KDM4C: variants seen among roughly 807,000 people sequenced by gnomAD.
KDM4C encodes the protein lysine-specific demethylase 4C.
Under a neutral mutation model 129.3 loss-of-function variants are expected in KDM4C, and 81 were observed. The observed-to-expected ratio is 0.63, with a 90% CI of 0.52 to 0.75. The LOEUF is 0.75. KDM4C is among the 30% of genes least tolerant of loss of function. The pLI, the probability that KDM4C is intolerant of heterozygous loss-of-function variation, is 0.00. For missense variants in KDM4C, 1,457 were observed against 1,304.0 expected (o/e 1.12, Z -1.81); for synonymous variants, 573 against 456.1 (o/e 1.26, Z -3.26).
At chr9:6,780,185 C>G (rs774345999) in intron 1 of KDM4C, among the ~76,000 whole-genome samples, 2 of 152,020 alleles carry the variant, frequency 1.3e-5, no homozygotes, top group Non-Finnish European at 2.9e-5. Flanking sequence ...TATTTCCCAT[C>G]CAGTTTATGC....
At chr9:6,752,780 A>C (rs1818114768), upstream of KDM4C, among the ~76,000 whole-genome samples, 1 of 152,154 alleles carries the variant, frequency 6.6e-6, no homozygotes, top group African/African-American at 2.4e-5. Flanking sequence ...AATTTTATTT[A>C]TATATGCCAA....
At position 6,996,195 on chromosome 9, in the gene KDM4C, A is replaced by G. The variant is rs114574841; in HGVS notation, c.1786+5671A>G. ...TTCACACTCACAAATGTTTTAAGCC[A>G]TGGCAAGCTTCTTCTCACTAGCATT... On this transcript the variant is annotated intron_variant, in intron 12 of 21. Transcript: ENST00000381309. Among the ~76,000 whole-genome samples the G allele has an allele frequency of 7.0e-3, 1,067 of 152,312 alleles. 15 individuals are homozygous for G. Among genetic ancestry groups the G allele is most frequent in the African/African-American group, 0.024 (1,005 of 41,580 alleles).
chr9:7,094,967 C>G (rs920970411), intron 17 of KDM4C, among the ~76,000 whole-genome samples: 2 of 152,136 alleles, frequency 1.3e-5, no homozygotes, highest in Non-Finnish European at 2.9e-5. Flanking sequence ...GAAGACTACC[C>G]CAGCGTAGCA....
chr9:7,046,987 G>A, intron 16 of KDM4C, 70 bp downstream of exon 16: 1 of 1,121,142 alleles, frequency 8.9e-7, no homozygotes, highest in Non-Finnish European at 1.4e-6. Context: ...TTGGATGACA[G>A]TTCGCTTTAC....
At chr9:6,992,483 C>G (rs1818934387) in intron 12 of KDM4C, among the ~76,000 whole-genome samples, 1 of 152,058 alleles carries the variant, frequency 6.6e-6, no homozygotes, top group African/African-American at 2.4e-5. Flanking sequence ...GGGGATTTTT[C>G]AGAATTGATT....
intron 8 of KDM4C, among the ~76,000 whole-genome samples, chr9:6,979,865 G>A (rs1816460019): frequency 6.6e-6 from 1 of 152,172 alleles, no homozygotes; most frequent in South Asian, 2.1e-4. Flanking sequence ...ATGTATGTAG[G>A]AGAATAGAAG....
chr9:7,145,730 A>G (rs1225141302), intron 19 of KDM4C, among the ~76,000 whole-genome samples: 1 of 152,250 alleles, frequency 6.6e-6, no homozygotes, highest in African/African-American at 2.4e-5. Flanking sequence ...GCAAAACTGA[A>G]TAAACACACT....
chr9:7,029,962 C>T (rs545612647), intron 15 of KDM4C, among the ~76,000 whole-genome samples: 3 of 152,018 alleles, frequency 2.0e-5, no homozygotes, highest in African/African-American at 4.8e-5. Flanking sequence ...TTCTAGGGAG[C>T]TTTTTTGTTA....
At chr9:6,922,804 C>T (rs566337736) in intron 8 of KDM4C, among the ~76,000 whole-genome samples, 39 of 152,214 alleles carry the variant, frequency 2.6e-4, no homozygotes, top group African/African-American at 6.5e-4. Context: ...TGACAAATGT[C>T]ACTAAGTTTC....
intron 5 of KDM4C, among the ~76,000 whole-genome samples, chr9:6,876,886 A>G (rs1563743958): frequency 2.6e-5 from 4 of 152,212 alleles, no homozygotes; most frequent in Admixed American, 2.0e-4. Context: ...ATCTGAAGGA[A>G]AAACATAAAA....
rs1254658547 is a variant in KDM4C at position 6,924,988 on chromosome 9, G to GT, written c.921+31757dup. On this transcript the variant is annotated intron_variant, in intron 8 of 21. Transcript: ENST00000381309. Reference sequence around the variant, plus strand: ...GTTTTGGTAGAAGTGTTGATGTTTTGTATTAGTGAATCTTAGGCTTCCTAC... The same window carrying GT: ...GTTTTGGTAGAAGTGTTGATGTTTTGTTATTAGTGAATCTTAGGCTTCCTAC... 1.2e-5 allele frequency: 12 copies of GT among 985,290 alleles called. No homozygotes were observed. The African/African-American group carries it at 2.1e-4, about 17-fold the overall frequency. The allele number at this position is 985,290 out of a possible 1,614,324, so 61.0% of individuals were successfully genotyped here.
At chr9:6,780,022 C>G (rs1178087379) in intron 1 of KDM4C, among the ~76,000 whole-genome samples, 1 of 152,152 alleles carries the variant, frequency 6.6e-6, no homozygotes, top group African/African-American at 2.4e-5. Context: ...TACTGGCCTA[C>G]TATAGTAGCT....
intron 1 of KDM4C, among the ~76,000 whole-genome samples, chr9:6,775,766 C>T (rs1563977871): frequency 6.6e-6 from 1 of 152,144 alleles, no homozygotes; most frequent in Non-Finnish European, 1.5e-5. Flanking sequence ...AGGTGATCCG[C>T]CTGCCTCGGC....
chr9:7,028,378 T>G (rs1383436823), intron 15 of KDM4C, among the ~76,000 whole-genome samples: 1 of 151,666 alleles, frequency 6.6e-6, no homozygotes, highest in African/African-American at 2.4e-5. Context: ...TGTCTAGAAA[T>G]GTCCAGGAGC....
intron 8 of KDM4C, among the ~76,000 whole-genome samples, chr9:6,914,760 T>C (rs1420770141): frequency 1.3e-5 from 2 of 152,238 alleles, no homozygotes; most frequent in African/African-American, 2.4e-5. Context: ...CCATTCCTTC[T>C]ATCTCTTCTG....
At chr9:6,967,421 TAAA>T (rs35054106) in intron 8 of KDM4C, among the ~76,000 whole-genome samples, 43 of 124,988 alleles carry the variant, frequency 3.4e-4, no homozygotes, top group Admixed American at 4.1e-4. Context: ...AAGCTTCCAC[TAAA>T]AAAAAAAAAA....
chr9:6,762,154 T>G (rs1819676011), intron 1 of KDM4C, among the ~76,000 whole-genome samples: 1 of 151,952 alleles, frequency 6.6e-6, no homozygotes, highest in Admixed American at 6.6e-5. Context: ...AACGTGCAGG[T>G]TTGTTACATA....
chr9:6,764,349 T>C (rs1029311135), intron 1 of KDM4C, among the ~76,000 whole-genome samples: 1 of 152,226 alleles, frequency 6.6e-6, no homozygotes, highest in East Asian at 1.9e-4. Flanking sequence ...CCTTTTTCCT[T>C]GAAAAATGTC....
rs1239866374 is a variant in KDM4C at position 7,175,480 on chromosome 9, G to A, written c.*751G>A. The A allele has an allele frequency of 1.3e-5, 2 of 152,460 alleles. No individual in the cohort carries two copies. Among genetic ancestry groups the A allele is most frequent in the Non-Finnish European group, 1.5e-5 (1 of 68,020 alleles). 9.4% of individuals were successfully genotyped at this position (152,460 alleles called of 1,614,324 possible). On this transcript the variant is annotated 3_prime_UTR_variant, in exon 22 of 22. Coordinates refer to ENST00000381309, the MANE Select transcript of KDM4C (RefSeq NM_015061.6). Reference sequence around the variant, plus strand: ...CACTTTTTTTCATAATACATATTCCGAGTAGATATTTATAAAATATATGTT... The same window carrying A: ...CACTTTTTTTCATAATACATATTCCAAGTAGATATTTATAAAATATATGTT...
Sources: gnomAD v4.1 joint callset for allele counts (sites outside exome capture counted in the v4.1 genomes callset) on GRCh38, gnomAD v4.1.1 for gene constraint, MANE v1.5 for transcripts, NCBI Gene and HGNC (gene_info 2026-07-23, HGNC 2026-07-21) for gene names.